Variants in CACNG4 observed in about 807,000 individuals in gnomAD.
CACNG4 encodes the protein calcium voltage-gated channel auxiliary subunit gamma 4.
A neutral mutation model predicts 22.9 loss-of-function variants in CACNG4; 8 were observed. The ratio of observed to expected loss-of-function variants is 0.35; its 90% confidence interval spans 0.21 to 0.63. CACNG4 has a LOEUF of 0.63. Ranked by LOEUF, CACNG4 falls within the 30% of genes least tolerant of loss-of-function variation. CACNG4 has a pLI of 0.72. For synonymous variants in CACNG4, 188 were observed against 191.9 expected (o/e 0.98, Z 0.17); for missense variants, 357 against 455.4 (o/e 0.78, Z 1.97).
chr17:66,994,327 C>CAAA (rs142191712), intron 1 of CACNG4, among the ~76,000 whole-genome samples: 25 of 125,682 alleles, frequency 2.0e-4, no homozygotes, highest in African/African-American at 3.4e-4. Context: ...ACCCTATTTC[C>CAAA]AAAAAAAAAA....
At chr17:67,025,594 A>T (rs958174151) in intron 3 of CACNG4, among the ~76,000 whole-genome samples, 10 of 152,184 alleles carry the variant, frequency 6.6e-5, no homozygotes, top group Non-Finnish European at 1.3e-4. Flanking sequence ...GACTGCCCCA[A>T]CCCTCCTGGC....
At chr17:66,975,735 G>A (rs1248096401) in intron 1 of CACNG4, among the ~76,000 whole-genome samples, 1 of 152,202 alleles carries the variant, frequency 6.6e-6, no homozygotes, top group Non-Finnish European at 1.5e-5. Context: ...CCCCAGTGGA[G>A]GCCACGGTGT....
chr17:66,994,824 G>C (rs2035364175), intron 1 of CACNG4, among the ~76,000 whole-genome samples: 2 of 152,284 alleles, frequency 1.3e-5, no homozygotes, highest in Admixed American at 1.3e-4. Context: ...AGAGGCCAGT[G>C]GTAGTGGAGG....
At chr17:66,979,745 C>CTTTTTTTTTTTTTTTTTTTTTTTT (rs35942551) in intron 1 of CACNG4, among the ~76,000 whole-genome samples, 1 of 92,016 alleles carries the variant, frequency 1.1e-5, no homozygotes, top group Non-Finnish European at 2.0e-5. Flanking sequence ...TCTTTTCATG[C>CTTTTTTTTTTTTTTTTTTTTTTTT]TTTTTTTTTT....
At chr17:66,995,973 G>T (rs1349197689) in intron 1 of CACNG4, among the ~76,000 whole-genome samples, 1 of 152,212 alleles carries the variant, frequency 6.6e-6, no homozygotes, top group Non-Finnish European at 1.5e-5. Flanking sequence ...CATGAAACCA[G>T]TCTGACATCT....
intron 1 of CACNG4, among the ~76,000 whole-genome samples, chr17:66,990,489 C>T (rs1380087024): frequency 2.0e-5 from 3 of 152,214 alleles, no homozygotes; most frequent in East Asian, 3.9e-4. Context: ...TCTTTCGGGC[C>T]ATCTTAGAAC....
At chr17:66,996,410 C>T (rs370383037) in intron 1 of CACNG4, among the ~76,000 whole-genome samples, 1 of 147,198 alleles carries the variant, frequency 6.8e-6, no homozygotes, top group East Asian at 2.0e-4. Flanking sequence ...GACAGGGTCT[C>T]GCTCTGTCAC....
intron 1 of CACNG4, among the ~76,000 whole-genome samples, chr17:66,978,116 G>A (rs2035249208): frequency 6.6e-6 from 1 of 152,176 alleles, no homozygotes. Flanking sequence ...AGGATATGGT[G>A]ATAAAGGGCC....
At chr17:66,992,906 C>T (rs932018328) in intron 1 of CACNG4, among the ~76,000 whole-genome samples, 1 of 152,268 alleles carries the variant, frequency 6.6e-6, no homozygotes, top group South Asian at 2.1e-4. Flanking sequence ...TTGGGCCATA[C>T]ATAAAACCCC....
At chr17:67,003,498 G>A (rs2035420425) in intron 1 of CACNG4, among the ~76,000 whole-genome samples, 1 of 152,164 alleles carries the variant, frequency 6.6e-6, no homozygotes, top group Non-Finnish European at 1.5e-5. Context: ...TCTGCCATGG[G>A]CTGAGAAGGG....
At chr17:67,012,008 TTTCTC>T (rs1199630478) in intron 1 of CACNG4, among the ~76,000 whole-genome samples, 1 of 152,114 alleles carries the variant, frequency 6.6e-6, no homozygotes, top group East Asian at 1.9e-4. Flanking sequence ...GGCTATCTGG[TTTCTC>T]TTCCTTTTCT....
At chr17:67,003,984 G>A (rs970141541) in intron 1 of CACNG4, among the ~76,000 whole-genome samples, 1 of 152,180 alleles carries the variant, frequency 6.6e-6, no homozygotes, top group East Asian at 1.9e-4. Flanking sequence ...TCCCTCTCTT[G>A]CCCAGCCCCT....
chr17:66,968,097 G>A (rs889126535), intron 1 of CACNG4, among the ~76,000 whole-genome samples: 1 of 152,162 alleles, frequency 6.6e-6, no homozygotes, highest in Non-Finnish European at 1.5e-5. Flanking sequence ...ACCCCCATCT[G>A]CAGATGAGCC....
At chr17:67,023,408 T>C (rs553420176) in intron 2 of CACNG4, among the ~76,000 whole-genome samples, 1 of 150,442 alleles carries the variant, frequency 6.6e-6, no homozygotes, top group South Asian at 2.1e-4. Context: ...CCCAAGTAGC[T>C]GGGACTACAG....
chr17:66,972,193 G>A (rs2035208792), intron 1 of CACNG4, among the ~76,000 whole-genome samples: 1 of 152,166 alleles, frequency 6.6e-6, no homozygotes, highest in African/African-American at 2.4e-5. Flanking sequence ...TATGCCCATG[G>A]GGGTGCCAGA....
rs181520372 is a variant in CACNG4 at position 67,027,026 on chromosome 17, C to T, written c.445+2026C>T. 8.8e-4 allele frequency among the ~76,000 whole-genome samples: 134 copies of T among 152,284 alleles called. 2 individuals are homozygous for T. The highest frequency in any genetic ancestry group is 7.3e-3 in the East Asian group (38 of 5,178). ...ACACTGCCCCAGAGCGTCCTCCCCA[C>T]GGCAGGGAGAGAATACTCCAGTCAC... On this transcript the variant is annotated intron_variant, in intron 3 of 3. Coordinates refer to ENST00000262138, the MANE Select transcript of CACNG4 (RefSeq NM_014405.4). The surrounding 1 kb of genome is among the most constrained non-coding windows in gnomAD (Gnocchi z 4.3).
At chr17:67,005,953 C>T (rs1383380796) in intron 1 of CACNG4, among the ~76,000 whole-genome samples, 6 of 152,220 alleles carry the variant, frequency 3.9e-5, no homozygotes, top group Non-Finnish European at 8.8e-5. Flanking sequence ...TGGCTCTCTC[C>T]TTGTGGCTGG....
chr17:66,976,143 G>A (rs181699594), intron 1 of CACNG4, among the ~76,000 whole-genome samples: 1 of 152,234 alleles, frequency 6.6e-6, no homozygotes, highest in East Asian at 1.9e-4. Flanking sequence ...CCAGGGCCAG[G>A]GTAGAGGAGG....
At chr17:67,009,478 T>A (rs1384754454) in intron 1 of CACNG4, among the ~76,000 whole-genome samples, 1 of 151,946 alleles carries the variant, frequency 6.6e-6, no homozygotes, top group East Asian at 1.9e-4. Context: ...GCTGCTCCTA[T>A]CCCATGCAGC....
Sources: gnomAD v4.1 joint callset for allele counts (sites outside exome capture counted in the v4.1 genomes callset) on GRCh38, gnomAD v4.1.1 for gene constraint, Gnocchi (gnomAD v3.1) non-coding constraint, MANE v1.5 for transcripts, NCBI Gene and HGNC (gene_info 2026-07-23, HGNC 2026-07-21) for gene names.